The following ATRX variants were observed in gnomAD, a reference collection of about 807,000 sequenced individuals.
ATRX encodes the protein chromatin remodeler ATRX.
In ATRX, 12 loss-of-function variants were observed where a neutral mutation model predicts 172.6. The observed-to-expected ratio is 0.07, with a 90% CI of 0.04 to 0.11. The LOEUF (loss-of-function observed/expected upper bound fraction) is 0.11, where lower values mean the gene tolerates loss of function less well. Ranked by LOEUF, ATRX falls within the 10% of genes least tolerant of loss-of-function variation. The pLI, the probability that ATRX is intolerant of heterozygous loss-of-function variation, is 1.00. For synonymous variants in ATRX, 674 were observed against 594.7 expected (o/e 1.13, Z -1.94); for missense variants, 1,368 against 1,767.4 (o/e 0.77, Z 4.05).
At position 77,642,351 on chromosome X, in the gene ATRX, C is replaced by T. The variant is rs1024625535; in HGVS notation, c.4558-6295G>A. On this transcript the variant is annotated intron_variant, in intron 15 of 34. Transcript: ENST00000373344. ...TAAAATACTGAAAAATCTTTTAAGA[C>T]TATCTTTCCAAGAAATAAAAGGCAC... Among the ~76,000 whole-genome samples, 4 of 111,814 alleles carry T rather than the reference C, an allele frequency of 3.6e-5. No homozygotes were observed. In the East Asian group the frequency reaches 1.1e-3, roughly 31 times the overall value.
At chrX:77,777,865 G>A (rs782111630) in intron 1 of ATRX, among the ~76,000 whole-genome samples, 2 of 110,507 alleles carry the variant, frequency 1.8e-5, no homozygotes, top group African/African-American at 3.3e-5. Flanking sequence ...GGCCAGGCGC[G>A]GTGGCTCATG....
In ATRX at chrX:77,593,682, G is replaced by A; in HGVS notation, c.6110+14C>T. 8.4e-7 allele frequency: 1 copy of A among 1,195,017 alleles called. No individual in the cohort carries two copies. Among genetic ancestry groups the A allele is most frequent in the African/African-American group, 1.7e-5 (1 of 57,343 alleles). On this transcript the variant is annotated intron_variant, in intron 26 of 34. Coordinates refer to ENST00000373344, the MANE Select transcript of ATRX (RefSeq NM_000489.6). The stretch of plus-strand genomic sequence containing the variant: ...AAAGGTTAATTTATATAATAAATAT[G>A]GTAAAGCACTTACACTTTATCCCCA...
rs149960511 is a variant in ATRX, at chrX:77,618,905, T to C, written c.5349A>G (p.Pro1783=). Residue 1783 remains proline (P), a synonymous_variant, in exon 21 of 35, where the codon CCA becomes CCG. Transcript: ENST00000373344. ...AATCTGCACACTGACCATTTTGAATTGGATTTATAAATCTATTCCTGAACT... is the reference window on the plus strand; with the variant it reads ...AATCTGCACACTGACCATTTTGAATCGGATTTATAAATCTATTCCTGAACT... ...IKEFRNRFIN[P]IQNGQCADST... is the part of the protein sequence containing the mutation. 1.1e-4 allele frequency: 127 copies of C among 1,197,963 alleles called. No individual in the cohort carries two copies. The African/African-American group carries it at 2.1e-3, about 20-fold the overall frequency.
At chrX:77,697,917 G>A (rs1434218705) in intron 3 of ATRX, among the ~76,000 whole-genome samples, 3 of 111,404 alleles carry the variant, frequency 2.7e-5, no homozygotes, top group Non-Finnish European at 3.8e-5. Flanking sequence ...CATGCTGCGG[G>A]GAATACACTG....
intron 6 of ATRX, among the ~76,000 whole-genome samples, chrX:77,689,600 G>A (rs1213375365): frequency 8.9e-6 from 1 of 112,041 alleles, no homozygotes; most frequent in Admixed American, 9.5e-5. Flanking sequence ...AACGACTGGG[G>A]GAAAAAGGCA....
intron 19 of ATRX, among the ~76,000 whole-genome samples, chrX:77,629,344 A>C (rs1380358905): frequency 8.9e-6 from 1 of 112,529 alleles, no homozygotes; most frequent in Non-Finnish European, 1.9e-5. Flanking sequence ...ATCCCTTCTA[A>C]TAAATTTAGA....
intron 2 of ATRX, 119 bp downstream of exon 2, chrX:77,717,012 C>T: frequency 1.6e-6 from 1 of 610,769 alleles, no homozygotes; most frequent in Non-Finnish European, 2.5e-6. Flanking sequence ...TGTCATTTTC[C>T]ACAAACTGAA....
intron 1 of ATRX, among the ~76,000 whole-genome samples, chrX:77,749,793 T>C (rs1281894901): frequency 1.8e-5 from 2 of 111,318 alleles, no homozygotes; most frequent in African/African-American, 6.5e-5. Context: ...TCTTGCACTC[T>C]CCTGCTCTGT....
At chrX:77,626,983 T>C (rs1280413171) in intron 19 of ATRX, among the ~76,000 whole-genome samples, 8 of 111,462 alleles carry the variant, frequency 7.2e-5, no homozygotes, top group South Asian at 3.7e-4. Context: ...CCCAGCACTT[T>C]GGCAGGCCAA....
At chrX:77,711,899 T>A (rs2073130377) in intron 2 of ATRX, among the ~76,000 whole-genome samples, 3 of 112,269 alleles carry the variant, frequency 2.7e-5, no homozygotes, top group South Asian at 7.3e-4. Flanking sequence ...CCAAACCCTT[T>A]CCACCCTGTA....
At chrX:77,549,245 C>T (rs781958053) in intron 30 of ATRX, among the ~76,000 whole-genome samples, 34 of 110,936 alleles carry the variant, frequency 3.1e-4, no homozygotes, top group Non-Finnish European at 5.7e-4. Flanking sequence ...ATTAGCCAGG[C>T]GTGGTGGCGC....
rs2148486616 is a variant in ATRX at position 77,663,365 on chromosome X, G to C, written c.4120+17C>G. On this transcript the variant is annotated intron_variant, in intron 12 of 34. Coordinates refer to ENST00000373344, the MANE Select transcript of ATRX (RefSeq NM_000489.6). ...TGGTCCAATATGTTCTTTACATTCA[G>C]AATTAAAACATCTTACCCTTTCTTC... The C allele has an allele frequency of 8.3e-7, 1 of 1,207,835 alleles. No individual in the cohort carries two copies. Among genetic ancestry groups the C allele is most frequent in the Non-Finnish European group, 1.1e-6 (1 of 892,065 alleles).
At chrX:77,632,061 C>T (rs2068131849) in intron 19 of ATRX, among the ~76,000 whole-genome samples, 1 of 110,711 alleles carries the variant, frequency 9.0e-6, no homozygotes, top group Non-Finnish European at 1.9e-5. Flanking sequence ...TGCAGTGGCA[C>T]AATCTTGGCT....
intron 28 of ATRX, among the ~76,000 whole-genome samples, chrX:77,566,073 AGAG>A (rs1300304912): frequency 1.8e-5 from 2 of 110,565 alleles, no homozygotes; most frequent in Non-Finnish European, 3.8e-5. Flanking sequence ...TCCTAAAAGA[AGAG>A]GAGAAGGAAG....
chrX:77,717,286 A>G (rs200930277), intron 1 of ATRX, 43 bp from the exon 2 acceptor site: 1 of 1,021,928 alleles, frequency 9.8e-7, no homozygotes, highest in African/African-American at 1.9e-5. Flanking sequence ...TTAGCCTTTC[A>G]TGTTTTAAAT....
chrX:77,545,174 C>T (rs2064188105), intron 30 of ATRX, among the ~76,000 whole-genome samples: 1 of 112,413 alleles, frequency 8.9e-6, no homozygotes, highest in Non-Finnish European at 1.9e-5. Context: ...CAGCACTGTT[C>T]TAAGAACTTC....
chrX:77,652,043 G>A (rs781859009), intron 15 of ATRX, 71 bp downstream of exon 15: 58 of 1,136,128 alleles, frequency 5.1e-5, no homozygotes, highest in Admixed American at 4.6e-4. Context: ...CCAAGAGTTC[G>A]AGGCCAGCCT....
intron 30 of ATRX, among the ~76,000 whole-genome samples, chrX:77,528,227 GCAGA>G (rs2063462252): frequency 9.0e-6 from 1 of 111,492 alleles, no homozygotes; most frequent in Middle Eastern, 4.6e-3. Context: ...ACCCACTCCT[GCAGA>G]CAGAGATCTG....
At chrX:77,771,321 A>T (rs2076145152) in intron 1 of ATRX, among the ~76,000 whole-genome samples, 1 of 107,493 alleles carries the variant, frequency 9.3e-6, no homozygotes, top group Non-Finnish European at 1.9e-5. Context: ...GGTTGCAGTG[A>T]GCCGAGTGAG....
Sources: gnomAD v4.1 joint callset for allele counts (sites outside exome capture counted in the v4.1 genomes callset) on GRCh38, gnomAD v4.1.1 for gene constraint, MANE v1.5 for transcripts, NCBI Gene and HGNC (gene_info 2026-07-23, HGNC 2026-07-21) for gene names.